Variants in GPHN observed in about 807,000 individuals in gnomAD.
GPHN encodes the protein gephyrin.
In GPHN, 17 loss-of-function variants were observed where a neutral mutation model predicts 95.5. That is an observed-to-expected ratio of 0.18 (90% CI 0.12 to 0.27). The LOEUF (loss-of-function observed/expected upper bound fraction) is 0.27. Among genes scored for constraint, GPHN ranks in the 10% least tolerant of loss-of-function variants. The probability of loss-of-function intolerance (pLI) is 1.00; values close to 1 mark genes in which losing one functional copy is unlikely to be tolerated. For missense variants in GPHN, 660 were observed against 978.1 expected (o/e 0.67, Z 4.34); for synonymous variants, 320 against 322.5 (o/e 0.99, Z 0.08).
intron 2 of GPHN, among the ~76,000 whole-genome samples, chr14:66,701,006 G>A (rs993751985): frequency 3.9e-5 from 6 of 152,026 alleles, no homozygotes; most frequent in African/African-American, 1.4e-4. Context: ...CTACCAAAGA[G>A]TACATGCACA....
intron 11 of GPHN, among the ~76,000 whole-genome samples, chr14:67,087,688 A>C (rs1030621110): frequency 3.9e-5 from 6 of 152,040 alleles, no homozygotes; most frequent in Admixed American, 3.3e-4. Context: ...ATCTCTCTAC[A>C]CTTACTTCTA....
At chr14:66,690,646 TTAAATC>T (rs1271391812) in intron 2 of GPHN, among the ~76,000 whole-genome samples, 1 of 152,238 alleles carries the variant, frequency 6.6e-6, no homozygotes, top group East Asian at 1.9e-4. Context: ...ATTCCTTCCT[TTAAATC>T]TAACAATATT....
chr14:67,664,235 G>C, the GPHN span, among the ~76,000 whole-genome samples: 4 of 152,134 alleles, frequency 2.6e-5, no homozygotes, highest in Admixed American at 2.6e-4. Context: ...ACCACTAACT[G>C]TTCTCCAGAA....
At chr14:66,687,457 A>T (rs2067451652) in intron 2 of GPHN, among the ~76,000 whole-genome samples, 1 of 147,552 alleles carries the variant, frequency 6.8e-6, no homozygotes, top group Non-Finnish European at 1.5e-5. Context: ...CATTTTTACA[A>T]TATTACTTCT....
rs11158650 is a variant in GPHN at position 66,977,147 on chromosome 14, A to G, written c.963+11822A>G. The stretch of plus-strand genomic sequence containing the variant: ...TGTGTTCTCTACTTAAAAAGTATAT[A>G]CAGGCCGGGCGCGGTGGCTCATGCC... On this transcript the variant is annotated intron_variant, in intron 9 of 22. Transcript: ENST00000478722. Among the ~76,000 whole-genome samples, 6,343 of 152,202 alleles carry G rather than the reference A, an allele frequency of 0.042. 813 individuals are homozygous for G. In the East Asian group the frequency reaches 0.42, roughly 10 times the overall value.
chr14:67,463,139 C>G, the GPHN span, among the ~76,000 whole-genome samples: 7 of 152,218 alleles, frequency 4.6e-5, no homozygotes, highest in Non-Finnish European at 8.8e-5. Context: ...CAATGCCCAA[C>G]TGGACATGGT....
chr14:66,824,061 C>G (rs1303366500), intron 3 of GPHN, among the ~76,000 whole-genome samples: 1 of 152,044 alleles, frequency 6.6e-6, no homozygotes. Context: ...TCAGTTGTCT[C>G]TTTAGAAAAT....
the GPHN span, chr14:67,374,591 T>A: frequency 7.6e-7 from 1 of 1,308,592 alleles, no homozygotes; most frequent in Non-Finnish European, 1.1e-6. Context: ...TCTGTGTGTT[T>A]AATAAATAAT....
chr14:66,520,704 T>C (rs560746353), intron 1 of GPHN, among the ~76,000 whole-genome samples: 1 of 151,818 alleles, frequency 6.6e-6, no homozygotes, highest in Non-Finnish European at 1.5e-5. Flanking sequence ...ATATTTTCTT[T>C]TTTTTTTTAA....
chr14:67,420,042 T>C, the GPHN span, among the ~76,000 whole-genome samples: 48 of 152,206 alleles, frequency 3.2e-4, no homozygotes, highest in African/African-American at 1.1e-3. Context: ...GAAGGTGAGT[T>C]GGCTCTGGGA....
intron 1 of GPHN, among the ~76,000 whole-genome samples, chr14:66,584,769 G>A (rs935454721): frequency 1.3e-5 from 2 of 152,220 alleles, no homozygotes; most frequent in African/African-American, 2.4e-5. Context: ...GCTTTTTGAT[G>A]TGCTGCTGGA....
At chr14:67,018,058 C>G (rs2073407543) in intron 9 of GPHN, among the ~76,000 whole-genome samples, 1 of 151,986 alleles carries the variant, frequency 6.6e-6, no homozygotes, top group Non-Finnish European at 1.5e-5. Context: ...CCTCTAAGAA[C>G]CTGCAGTCTA....
At chr14:66,821,988 G>T (rs781178102) in intron 3 of GPHN, among the ~76,000 whole-genome samples, 14 of 152,180 alleles carry the variant, frequency 9.2e-5, no homozygotes, top group Non-Finnish European at 2.1e-4. Context: ...GTCTTGCTCT[G>T]TTACTCAGGC....
At chr14:67,013,496 T>C (rs945300173) in intron 9 of GPHN, among the ~76,000 whole-genome samples, 6 of 152,094 alleles carry the variant, frequency 3.9e-5, no homozygotes, top group African/African-American at 1.4e-4. Context: ...GGTTAGATCA[T>C]GAGAGGCTTG....
At chr14:67,116,457 A>G (rs141056861) in intron 16 of GPHN, among the ~76,000 whole-genome samples, 17 of 152,120 alleles carry the variant, frequency 1.1e-4, no homozygotes, top group African/African-American at 3.6e-4. Context: ...ACTAATTACC[A>G]CTAAATAAAT....
At chr14:67,360,006 G>C in the GPHN span, 30 of 532,036 alleles carry the variant, frequency 5.6e-5, no homozygotes. Flanking sequence ...TGCGCAATAC[G>C]CGGCACGCGC....
chr14:67,523,545 T>C, the GPHN span, among the ~76,000 whole-genome samples: 1 of 152,238 alleles, frequency 6.6e-6, no homozygotes, highest in Non-Finnish European at 1.5e-5. Context: ...AGCATTACCC[T>C]GTGCTCCAAG....
chr14:67,635,362 C>CT, the GPHN span, among the ~76,000 whole-genome samples: 1 of 152,212 alleles, frequency 6.6e-6, no homozygotes, highest in Non-Finnish European at 1.5e-5. Flanking sequence ...ATAACAGTCT[C>CT]TTCAAAGGTT....
At chr14:66,797,021 C>CTTTTTTTTTTTTTTTTTTTTTTTTTTT (rs369681377) in intron 3 of GPHN, among the ~76,000 whole-genome samples, 6 of 81,226 alleles carry the variant, frequency 7.4e-5, no homozygotes, top group East Asian at 3.3e-4. Flanking sequence ...TATCTAGTTC[C>CTTTTTTTTTTTTTTTTTTTTTTTTTTT]TTTTTTTTTT....
Sources: gnomAD v4.1 joint callset for allele counts (sites outside exome capture counted in the v4.1 genomes callset) on GRCh38, gnomAD v4.1.1 for gene constraint, MANE v1.5 for transcripts, NCBI Gene and HGNC (gene_info 2026-07-23, HGNC 2026-07-21) for gene names.